ALDH1A3: variants seen among roughly 807,000 people sequenced by gnomAD.
ALDH1A3 encodes the protein aldehyde dehydrogenase 1 family member A3.
ALDH1A3 carries 28 observed loss-of-function variants against 57.5 expected under a neutral mutation model. The observed-to-expected ratio is 0.49, with a 90% CI of 0.36 to 0.67. The LOEUF is 0.67. ALDH1A3 is among the 30% of genes least tolerant of loss of function. The pLI, the probability that ALDH1A3 is intolerant of heterozygous loss-of-function variation, is 0.00. For missense variants in ALDH1A3, 507 were observed against 669.4 expected, an observed-to-expected ratio of 0.76 and a Z score of 2.68; for synonymous variants, 281 against 264.8, an observed-to-expected ratio of 1.06 and a Z score of -0.59.
chr15:100,902,340 C>G (rs190251759), intron 9 of ALDH1A3, among the ~76,000 whole-genome samples: 30 of 152,320 alleles, frequency 2.0e-4, no homozygotes, highest in African/African-American at 6.7e-4. Flanking sequence ...GCCGTCTAAC[C>G]TCAGCATATT....
chr15:100,894,052 C>T lies in ALDH1A3; in HGVS notation c.636C>T (p.Thr212=), dbSNP rs149815923. Residue 212 remains threonine, a synonymous_variant, in exon 6 of 13, where the codon ACC becomes ACT. Transcript: ENST00000329841. The surrounding 1 kb of genome is among the most constrained non-coding windows in gnomAD (Gnocchi z 4.5). ...VLKPAEQTPL[T]ALYLGSLIKE... ...AGCCTGCGGAGCAGACACCTCTCAC[C>T]GCCCTTTATCTCGGCTCTCTGATCA... 12 of 1,614,044 alleles carry T rather than the reference C, an allele frequency of 7.4e-6. No individual in the cohort carries two copies. Among genetic ancestry groups the T allele is most frequent in the Admixed American group, 1.7e-5 (1 of 60,012 alleles).
intron 2 of ALDH1A3, 60 bp downstream of exon 2, chr15:100,885,431 G>A (rs1333022103): frequency 1.1e-5 from 15 of 1,309,286 alleles, no homozygotes; most frequent in African/African-American, 4.4e-5. Context: ...AAAGGATAAG[G>A]AAACGGTTCG....
Position 100,889,712 on chromosome 15 carries a change from C to T in ALDH1A3, c.345+2000C>T, listed in dbSNP as rs989474022. Reference sequence around the variant, plus strand: ...AAAGCCACCTTCATCTTCAGGCTGCCCCATTGTCCTGGCACGACTGTGTTT... The same window carrying T: ...AAAGCCACCTTCATCTTCAGGCTGCTCCATTGTCCTGGCACGACTGTGTTT... On this transcript the variant is annotated intron_variant, in intron 3 of 12. Transcript: ENST00000329841. This position sits in a 1 kb window ranked among gnomAD's most constrained non-coding sequence, Gnocchi z 5.1. Among the ~76,000 whole-genome samples the T allele has an allele frequency of 6.6e-6, 1 of 152,136 alleles. No homozygotes were observed. Among genetic ancestry groups the T allele is most frequent in the Non-Finnish European group, 1.5e-5 (1 of 68,032 alleles).
intron 3 of ALDH1A3, chr15:100,892,269 G>A: frequency 2.0e-6 from 1 of 504,144 alleles, no homozygotes; most frequent in Non-Finnish European, 3.4e-6. Context: ...GCATGTCTAT[G>A]TTTTAGCCCA....
chr15:100,879,960 C>G lies in ALDH1A3; in HGVS notation c.53C>G (p.Pro18Arg), dbSNP rs1301191364. The G allele has an allele frequency of 1.4e-6, 2 of 1,474,934 alleles. No homozygotes were observed. Among genetic ancestry groups the G allele is most frequent in the South Asian group, 1.3e-5 (1 of 77,328 alleles). 91.4% of individuals were successfully genotyped at this position (1,474,934 alleles called of 1,614,324 possible). A position where few individuals can be genotyped will look rare whatever the true frequency, so the allele number is the denominator to read the frequency against. ...VENGQPDRKP[P>R]ALPRPIRNLE... ...AACGGGCAGCCGGACAGGAAGCCGC[C>G]GGCCCTGCCGCGCCCCATCCGCAAC... The change falls in exon 1 of 13, where the codon CCG becomes CGG. Residue 18 changes from proline to arginine, a missense_variant. By Grantham distance (103) the Pro-to-Arg change is moderately radical. Around this residue, in one of 2 missense-constraint regions of ALDH1A3, gnomAD observed 75 missense variants for 61.0 expected, o/e 1.23. Transcript: ENST00000329841.
Position 100,900,910 on chromosome 15 carries a change from A to G in ALDH1A3, c.1068+151A>G. On this transcript the variant is annotated intron_variant, in intron 9 of 12. Transcript: ENST00000329841. Reference sequence around the variant, plus strand: ...TTCTTTTCTTTAGAAACTGATCAGAAACACAATCCTGTCAGGTCCCGGGGG... The same window carrying G: ...TTCTTTTCTTTAGAAACTGATCAGAGACACAATCCTGTCAGGTCCCGGGGG... 3 of 865,700 alleles carry G rather than the reference A, an allele frequency of 3.5e-6. No individual in the cohort carries two copies. In the Admixed American group the frequency reaches 8.5e-5, roughly 25 times the overall value. The allele number at this position is 865,700 out of a possible 1,614,324, so 53.6% of individuals were successfully genotyped here.
At chr15:100,891,007 C>T (rs1294402164) in intron 3 of ALDH1A3, among the ~76,000 whole-genome samples, 2 of 152,206 alleles carry the variant, frequency 1.3e-5, no homozygotes, top group Non-Finnish European at 2.9e-5. Context: ...CCAAGCTAGA[C>T]CAGTCCTGTG....
At chr15:100,909,301 A>C (rs111227305) in intron 12 of ALDH1A3, among the ~76,000 whole-genome samples, 22 of 112,436 alleles carry the variant, frequency 2.0e-4, no homozygotes, top group Admixed American at 3.5e-4. Context: ...CAAACTCCTC[A>C]GTGTGTGAAC....
chr15:100,892,712 C>A (rs558292260), intron 4 of ALDH1A3, 73 bp downstream of exon 4: 11 of 1,533,076 alleles, frequency 7.2e-6, no homozygotes, highest in Middle Eastern at 2.3e-4. Flanking sequence ...CAGAGCCCCC[C>A]CTGACTGTTT....
Position 100,893,737 on chromosome 15 carries a change from C to T in ALDH1A3, c.538-217C>T. On this transcript the variant is annotated intron_variant, in intron 5 of 12. Coordinates refer to ENST00000329841, the MANE Select transcript of ALDH1A3 (RefSeq NM_000693.4). The surrounding 1 kb of genome is among the most constrained non-coding windows in gnomAD (Gnocchi z 4.8). The stretch of plus-strand genomic sequence containing the variant: ...AGAGGTAGAACACATGCAACAGCAT[C>T]CTCTTTGCAAAGGCTGCCTATTAGT... 1 of 510,950 alleles carries T rather than the reference C, an allele frequency of 2.0e-6. No homozygotes were observed. The highest frequency in any genetic ancestry group is 3.4e-6 in the Non-Finnish European group (1 of 297,328). The allele number at this position is 510,950 out of a possible 1,614,324, so 31.7% of individuals were successfully genotyped here.
At chr15:100,892,431 C>A (rs1265872964) in intron 3 of ALDH1A3, 79 bp from the exon 4 acceptor site, 26 of 1,595,838 alleles carry the variant, frequency 1.6e-5, no homozygotes, top group Admixed American at 1.2e-4. Flanking sequence ...GTTCTCTCCC[C>A]AACTTCCATC....
At chr15:100,911,371 G>A (rs2041882387) in intron 12 of ALDH1A3, among the ~76,000 whole-genome samples, 2 of 152,164 alleles carry the variant, frequency 1.3e-5, no homozygotes, top group South Asian at 4.1e-4. Flanking sequence ...TCTTCCTCCT[G>A]GGAGCCTTTC....
chr15:100,915,445 A>G lies in ALDH1A3; in HGVS notation c.*672A>G, dbSNP rs2041922523. 6.6e-6 allele frequency: 1 copy of G among 152,284 alleles called. No homozygotes were observed. Among genetic ancestry groups the G allele is most frequent in the Non-Finnish European group, 1.5e-5 (1 of 68,088 alleles). 9.4% of individuals were successfully genotyped at this position (152,284 alleles called of 1,614,324 possible). ...AAACCAATACTGCCTTTGGAATATG[A>G]CAGAATCAATAGCCCAGAGAGCTTA... On this transcript the variant is annotated 3_prime_UTR_variant, in exon 13 of 13. Transcript: ENST00000329841.
intron 3 of ALDH1A3, among the ~76,000 whole-genome samples, chr15:100,891,587 G>A (rs985871645): frequency 1.3e-5 from 2 of 152,256 alleles, no homozygotes; most frequent in Admixed American, 1.3e-4. Context: ...GGAGCTCAAA[G>A]GGTGAGACAT....
chr15:100,897,944 T>A (rs532965934), intron 7 of ALDH1A3, 139 bp from the exon 8 acceptor site: 2 of 673,678 alleles, frequency 3.0e-6, no homozygotes, highest in South Asian at 3.6e-5. Flanking sequence ...AGGGACGGCA[T>A]CGGGGCCTGG....
chr15:100,914,473 A>G, intron 12 of ALDH1A3: 1 of 430,684 alleles, frequency 2.3e-6, no homozygotes, highest in East Asian at 3.5e-5. Flanking sequence ...CCATTTCAAA[A>G]GCATCACACA....
rs751495702 is a variant in ALDH1A3 at position 100,900,797 on chromosome 15, C to G, written c.1068+38C>G. 56 of 1,600,756 alleles carry G rather than the reference C, an allele frequency of 3.5e-5. No homozygotes were observed. The Admixed American group carries it at 9.5e-4, about 27-fold the overall frequency. On this transcript the variant is annotated intron_variant, in intron 9 of 12. Coordinates refer to ENST00000329841, the MANE Select transcript of ALDH1A3 (RefSeq NM_000693.4). ...GTGTGTGTGAAACCATGGTGCTTGTCTAGGGGCTGAAGCAGGCAGTCCCAT... is the reference window on the plus strand; with the variant it reads ...GTGTGTGTGAAACCATGGTGCTTGTGTAGGGGCTGAAGCAGGCAGTCCCAT...
chr15:100,893,149 C>T lies in ALDH1A3; in HGVS notation c.537+143C>T, dbSNP rs527304898. The T allele has an allele frequency of 4.4e-6, 3 of 685,494 alleles. No individual in the cohort carries two copies. The South Asian group carries it at 6.7e-5, about 15-fold the overall frequency. 42.5% of individuals were successfully genotyped at this position (685,494 alleles called of 1,614,324 possible). ...TTTCTTCGTGGCATGGAACTCCATG[C>T]TTGGGGGCTCTTGAGATGGATTAGA... On this transcript the variant is annotated intron_variant, in intron 5 of 12. Transcript: ENST00000329841. This position sits in a 1 kb window ranked among gnomAD's most constrained non-coding sequence, Gnocchi z 4.8.
Position 100,894,112 on chromosome 15 carries a change from G to A in ALDH1A3, c.666+30G>A, listed in dbSNP as rs977241582. On this transcript the variant is annotated intron_variant, in intron 6 of 12. Transcript: ENST00000329841. The surrounding 1 kb of genome is among the most constrained non-coding windows in gnomAD (Gnocchi z 4.5). ...GACATCCAAAAAGAAAATATCACATGTTCTTGGTAACATTCCCACTCCTAG... is the reference window on the plus strand; with the variant it reads ...GACATCCAAAAAGAAAATATCACATATTCTTGGTAACATTCCCACTCCTAG... 18 of 1,611,162 alleles carry A rather than the reference G, an allele frequency of 1.1e-5. No individual in the cohort carries two copies. The highest frequency in any genetic ancestry group is 1.5e-5 in the Non-Finnish European group (18 of 1,178,476).
Sources: allele counts gnomAD v4.1 joint callset (sites outside exome capture counted in the v4.1 genomes callset), GRCh38; gene constraint gnomAD v4.1.1; regional missense constraint gnomAD v4.1.1; non-coding constraint Gnocchi (gnomAD v3.1); transcripts MANE v1.5; gene names NCBI Gene and HGNC (gene_info 2026-07-23, HGNC 2026-07-21).